Variants in ZDHHC14 observed in about 807,000 individuals in gnomAD.
ZDHHC14 encodes palmitoyltransferase ZDHHC14.
In ZDHHC14, 16 loss-of-function variants were observed where a neutral mutation model predicts 47.7. The observed-to-expected ratio is 0.34, with a 90% CI of 0.23 to 0.51. The LOEUF is 0.51. Among genes scored for constraint, ZDHHC14 ranks in the 20% least tolerant of loss-of-function variants. The probability of loss-of-function intolerance (pLI) is 0.97; values close to 1 mark genes in which losing one functional copy is unlikely to be tolerated. For synonymous variants in ZDHHC14, 293 were observed against 278.9 expected (o/e 1.05, Z -0.50); for missense variants, 515 against 662.5 (o/e 0.78, Z 2.44).
intron 1 of ZDHHC14, among the ~76,000 whole-genome samples, chr6:157,495,586 A>G (rs1426668415): frequency 6.6e-6 from 1 of 151,980 alleles, no homozygotes; most frequent in Non-Finnish European, 1.5e-5. Context: ...GGGAGGGTAC[A>G]TGACATTTCA....
At chr6:157,382,710 ATCT>A (rs1440452673) in intron 1 of ZDHHC14, among the ~76,000 whole-genome samples, 3 of 152,230 alleles carry the variant, frequency 2.0e-5, no homozygotes, top group African/African-American at 7.2e-5. Flanking sequence ...CATATAGGGC[ATCT>A]TCTTAAGCTC....
intron 1 of ZDHHC14, among the ~76,000 whole-genome samples, chr6:157,419,444 TTG>T (rs759066420): frequency 1.9e-4 from 29 of 152,342 alleles, no homozygotes; most frequent in Non-Finnish European, 2.9e-4. Context: ...CAAAATAGCC[TTG>T]TAAATTCCCC....
chr6:157,455,082 T>C (rs1335596813), intron 1 of ZDHHC14, among the ~76,000 whole-genome samples: 1 of 152,228 alleles, frequency 6.6e-6, no homozygotes, highest in Non-Finnish European at 1.5e-5. Context: ...TGATGTTTCC[T>C]GGGAGGCGCA....
chr6:157,605,804 C>T (rs772019874), intron 3 of ZDHHC14, among the ~76,000 whole-genome samples: 1 of 152,000 alleles, frequency 6.6e-6, no homozygotes, highest in South Asian at 2.1e-4. Flanking sequence ...GTGGGCACAG[C>T]GGGTGGGGGG....
intron 1 of ZDHHC14, among the ~76,000 whole-genome samples, chr6:157,429,903 T>G (rs1167363288): frequency 6.6e-6 from 1 of 152,054 alleles, no homozygotes; most frequent in Non-Finnish European, 1.5e-5. Context: ...TGATAGAGAA[T>G]CTTCAGGAGG....
At chr6:157,660,286 G>A (rs758709192) in intron 8 of ZDHHC14, among the ~76,000 whole-genome samples, 4 of 150,184 alleles carry the variant, frequency 2.7e-5, no homozygotes, top group African/African-American at 4.9e-5. Context: ...TCCACCTCCC[G>A]AGTTCAAGCG....
intron 1 of ZDHHC14, among the ~76,000 whole-genome samples, chr6:157,495,473 T>G (rs1780038282): frequency 4.6e-5 from 7 of 152,166 alleles, no homozygotes; most frequent in African/African-American, 1.4e-4. Flanking sequence ...AGCCAGCCAG[T>G]GGCTGCTGCC....
intron 2 of ZDHHC14, among the ~76,000 whole-genome samples, chr6:157,556,677 C>T (rs943387123): frequency 6.6e-6 from 1 of 152,084 alleles, no homozygotes; most frequent in African/African-American, 2.4e-5. Flanking sequence ...ACAAGAAAGC[C>T]AGAGATGGAG....
chr6:157,557,863 G>A (rs1027084777), intron 2 of ZDHHC14, among the ~76,000 whole-genome samples: 1 of 152,186 alleles, frequency 6.6e-6, no homozygotes, highest in Admixed American at 6.5e-5. Flanking sequence ...TCTCACTTCC[G>A]TCACCCTTAT....
At chr6:157,608,688 C>T (rs1262054989) in intron 3 of ZDHHC14, among the ~76,000 whole-genome samples, 4 of 152,136 alleles carry the variant, frequency 2.6e-5, no homozygotes, top group African/African-American at 7.2e-5. Context: ...TAGGCAGGCA[C>T]CTTATAAGCC....
intron 2 of ZDHHC14, among the ~76,000 whole-genome samples, chr6:157,570,209 A>C (rs1200853618): frequency 1.3e-5 from 2 of 152,248 alleles, no homozygotes; most frequent in African/African-American, 4.8e-5. Context: ...AATGCCACTC[A>C]AACTTCAATA....
chr6:157,542,843 C>T, intron 2 of ZDHHC14, 98 bp downstream of exon 2: 25 of 1,424,282 alleles, frequency 1.8e-5, no homozygotes, highest in Non-Finnish European at 2.4e-5. Flanking sequence ...AGGAGCTGAG[C>T]GCTGGGAAGG....
rs535353796 is a variant in ZDHHC14, at chr6:157,424,420, T to A, written c.245+42154T>A. ...AAACTCAAACACAATCACTGCCCTA[T>A]TTTTTGGTGGTGCGATTTTGAATCA... On this transcript the variant is annotated intron_variant, in intron 1 of 8. Coordinates refer to ENST00000359775, the MANE Select transcript of ZDHHC14 (RefSeq NM_024630.3). Among the ~76,000 whole-genome samples, 21 of 152,200 alleles carry A rather than the reference T, an allele frequency of 1.4e-4. No homozygotes were observed. In the East Asian group the frequency reaches 2.5e-3, roughly 18 times the overall value.
At chr6:157,660,002 A>G (rs1246908943) in intron 8 of ZDHHC14, among the ~76,000 whole-genome samples, 3 of 152,082 alleles carry the variant, frequency 2.0e-5, no homozygotes, top group Non-Finnish European at 4.4e-5. Context: ...GCGCTTTAGA[A>G]TGGACAGAGC....
chr6:157,635,936 C>T (rs1776950693), intron 5 of ZDHHC14, among the ~76,000 whole-genome samples: 1 of 152,188 alleles, frequency 6.6e-6, no homozygotes, highest in Admixed American at 6.5e-5. Context: ...AAGTCTCAGC[C>T]GCTGCCTTTC....
At chr6:157,634,344 C>T (rs1220392497) in intron 5 of ZDHHC14, among the ~76,000 whole-genome samples, 10 of 152,260 alleles carry the variant, frequency 6.6e-5, no homozygotes, top group Admixed American at 5.9e-4. Flanking sequence ...AAGAAGTTGA[C>T]TGGAAGGAAA....
intron 1 of ZDHHC14, among the ~76,000 whole-genome samples, chr6:157,453,788 T>TTTTTTTTGTGTGTGTGTGGGTGTGTG (rs3220439): frequency 6.8e-6 from 1 of 148,098 alleles, no homozygotes; most frequent in African/African-American, 2.5e-5. Context: ...TTTTTGTGTT[T>TTTTTTTTGTGTGTGTGTGGGTGTGTG]TGTGTGTGTG....
chr6:157,628,289 G>C, intron 3 of ZDHHC14, 60 bp from the exon 4 acceptor site: 1 of 1,563,766 alleles, frequency 6.4e-7, no homozygotes, highest in Non-Finnish European at 8.6e-7. Context: ...GCTCCTGCAA[G>C]TAAAAAGACA....
At chr6:157,456,832 G>A (rs577697239) in intron 1 of ZDHHC14, among the ~76,000 whole-genome samples, 4 of 152,042 alleles carry the variant, frequency 2.6e-5, no homozygotes, top group African/African-American at 9.6e-5. Flanking sequence ...ATTAGTAATC[G>A]CATTACATGT....
Sources: gnomAD v4.1 joint callset for allele counts (sites outside exome capture counted in the v4.1 genomes callset) on GRCh38, gnomAD v4.1.1 for gene constraint, MANE v1.5 for transcripts, NCBI Gene and HGNC (gene_info 2026-07-23, HGNC 2026-07-21) for gene names.